The following LAMA4 variants were observed in gnomAD, a reference collection of about 807,000 sequenced individuals.
LAMA4 encodes laminin subunit alpha 4.
In LAMA4, 127 loss-of-function variants were observed where a neutral mutation model predicts 207.1. The observed-to-expected ratio is 0.61, with a 90% CI of 0.53 to 0.71. The LOEUF is 0.71. Among genes scored for constraint, LAMA4 ranks in the 30% least tolerant of loss-of-function variants. LAMA4 has a pLI of 0.00. For missense variants in LAMA4, 2,093 were observed against 2,246.5 expected (o/e 0.93, Z 1.38); for synonymous variants, 761 against 816.0 (o/e 0.93, Z 1.15).
intron 3 of LAMA4, among the ~76,000 whole-genome samples, chr6:112,208,798 T>G (rs1784210966): frequency 6.6e-6 from 1 of 152,170 alleles, no homozygotes; most frequent in South Asian, 2.1e-4. Flanking sequence ...GATCAGCCAT[T>G]AGGTATGAGC....
At chr6:112,240,423 T>C (rs551837758) in intron 2 of LAMA4, among the ~76,000 whole-genome samples, 5 of 152,322 alleles carry the variant, frequency 3.3e-5, no homozygotes, top group African/African-American at 1.2e-4. Flanking sequence ...ATCAAGTTAT[T>C]TTAAAATGTA....
chr6:112,196,924 T>C (rs11153345), intron 5 of LAMA4, among the ~76,000 whole-genome samples: 2 of 152,152 alleles, frequency 1.3e-5, no homozygotes, highest in African/African-American at 4.8e-5. Context: ...AGGGATATGA[T>C]GCTGTGTCTG....
intron 11 of LAMA4, 41 bp downstream of exon 11, chr6:112,175,272 G>T: frequency 1.2e-6 from 2 of 1,602,608 alleles, no homozygotes; most frequent in South Asian, 1.1e-5. Context: ...CACAAAGAGG[G>T]CAAACATGTG....
At position 112,121,995 on chromosome 6, in the gene LAMA4, G is replaced by A; in HGVS notation, c.4475+19C>T. On this transcript the variant is annotated intron_variant, in intron 32 of 38. Transcript: ENST00000230538. ...CAGCCATGTCATTAGGAGTCTAGGA[G>A]TATAGTGTGTTACTTTACTTGGCAC... 6.2e-7 allele frequency: 1 copy of A among 1,606,300 alleles called. No individual in the cohort carries two copies. The highest frequency in any genetic ancestry group is 2.2e-5 in the East Asian group (1 of 44,818).
chr6:112,241,909 T>C (rs1786543554), intron 2 of LAMA4, among the ~76,000 whole-genome samples: 1 of 152,194 alleles, frequency 6.6e-6, no homozygotes, highest in Non-Finnish European at 1.5e-5. Flanking sequence ...CTCCTAACAT[T>C]ATCTTTCTAG....
rs782202196 is a variant in LAMA4 at position 112,165,230 on chromosome 6, G to A, written c.1598C>T (p.Ser533Phe). Residue 533 changes from serine to phenylalanine, a missense_variant, in exon 13 of 39, where the codon TCT becomes TTT. Coordinates refer to ENST00000230538, the MANE Select transcript of LAMA4 (RefSeq NM_001105206.3). The stretch of plus-strand genomic sequence containing the variant: ...CAGAGAGTCCGCAGATGTGCTCAGA[G>A]ACATGTTCACCACTTCCATTTGTTC... ...VREQMEVVNM[S>F]LSTSADSLTT... 3 of 1,613,638 alleles carry A rather than the reference G, an allele frequency of 1.9e-6. No individual in the cohort carries two copies. Among genetic ancestry groups the A allele is most frequent in the Admixed American group, 1.7e-5 (1 of 60,004 alleles).
At chr6:112,235,684 T>A (rs2114304770) in intron 2 of LAMA4, among the ~76,000 whole-genome samples, 1 of 152,360 alleles carries the variant, frequency 6.6e-6, no homozygotes, top group East Asian at 1.9e-4. Context: ...GAAATAGATC[T>A]TTCTTTCTTC....
At chr6:112,228,492 T>A (rs1402165645) in intron 2 of LAMA4, among the ~76,000 whole-genome samples, 3 of 152,004 alleles carry the variant, frequency 2.0e-5, no homozygotes, top group African/African-American at 7.3e-5. Flanking sequence ...TAAGAGAGTG[T>A]AAATGAAGAG....
At chr6:112,172,900 G>A in intron 11 of LAMA4, 96 bp from the exon 12 acceptor site, 1 of 885,150 alleles carries the variant, frequency 1.1e-6, no homozygotes. Context: ...CTCAGGCCAT[G>A]CCTTCTTTAG....
intron 22 of LAMA4, 121 bp downstream of exon 22, chr6:112,140,639 T>C: frequency 1.2e-6 from 1 of 853,794 alleles, no homozygotes; most frequent in Non-Finnish European, 1.9e-6. Flanking sequence ...AGAATTCTAC[T>C]CCCCCATGAA....
intron 12 of LAMA4, 54 bp downstream of exon 12, chr6:112,172,557 T>C (rs1781777682): frequency 6.6e-7 from 1 of 1,525,678 alleles, no homozygotes; most frequent in Non-Finnish European, 9.1e-7. Context: ...CCCTTCTTGG[T>C]GTACCATCAC....
chr6:112,138,475 AT>A (rs1554332146), intron 24 of LAMA4, among the ~76,000 whole-genome samples: 1 of 152,170 alleles, frequency 6.6e-6, no homozygotes, highest in Non-Finnish European at 1.5e-5. Flanking sequence ...ACTTAATTAC[AT>A]TTTCTCACTA....
At chr6:112,167,933 C>G (rs960788738) in intron 12 of LAMA4, among the ~76,000 whole-genome samples, 2 of 151,696 alleles carry the variant, frequency 1.3e-5, no homozygotes, top group African/African-American at 4.8e-5. Flanking sequence ...CTCCACCAGG[C>G]GCGGTGGCTC....
intron 5 of LAMA4, among the ~76,000 whole-genome samples, chr6:112,197,582 A>C (rs1409412612): frequency 6.6e-6 from 1 of 152,230 alleles, no homozygotes; most frequent in Non-Finnish European, 1.5e-5. Context: ...AAACCAAAAT[A>C]AATTTTCAAA....
intron 5 of LAMA4, chr6:112,200,060 CTT>C (rs1783643568): frequency 3.8e-6 from 2 of 526,380 alleles, no homozygotes; most frequent in Non-Finnish European, 7.8e-6. Context: ...CTGAGAGACT[CTT>C]TGAGCAAAAG....
intron 18 of LAMA4, among the ~76,000 whole-genome samples, chr6:112,145,428 C>T (rs1166140017): frequency 2.6e-5 from 4 of 152,178 alleles, no homozygotes; most frequent in Non-Finnish European, 5.9e-5. Context: ...TGAAGGTAGG[C>T]ATGGGGGAGC....
chr6:112,204,662 TG>T (rs1403713313), intron 4 of LAMA4, among the ~76,000 whole-genome samples: 2 of 152,210 alleles, frequency 1.3e-5, no homozygotes, highest in Non-Finnish European at 2.9e-5. Context: ...TTAAAACGAA[TG>T]CTTGAGAGCA....
intron 3 of LAMA4, among the ~76,000 whole-genome samples, chr6:112,207,674 T>A (rs1735137251): frequency 6.6e-6 from 1 of 152,118 alleles, no homozygotes; most frequent in Non-Finnish European, 1.5e-5. Context: ...TGCTCATGGG[T>A]TGGTATCTTG....
At chr6:112,194,573 C>A (rs545686980) in intron 5 of LAMA4, among the ~76,000 whole-genome samples, 2 of 152,304 alleles carry the variant, frequency 1.3e-5, no homozygotes, top group South Asian at 2.1e-4. Flanking sequence ...TAGTCCCTGA[C>A]AAACCCCTAC....
Sources: gnomAD v4.1 joint callset for allele counts (sites outside exome capture counted in the v4.1 genomes callset) on GRCh38, gnomAD v4.1.1 for gene constraint, MANE v1.5 for transcripts, NCBI Gene and HGNC (gene_info 2026-07-23, HGNC 2026-07-21) for gene names.